Variants in KIAA0825 observed in about 807,000 individuals in gnomAD.
KIAA0825 encodes the protein uncharacterized protein KIAA0825.
A neutral mutation model predicts 147.6 loss-of-function variants in KIAA0825; 119 were observed. The ratio of observed to expected loss-of-function variants is 0.81; its 90% CI spans 0.69 to 0.94. The LOEUF (loss-of-function observed/expected upper bound fraction) is 0.94. Among genes scored for constraint, KIAA0825 ranks in the 40% least tolerant of loss-of-function variants. KIAA0825 has a pLI of 0.00. For missense variants in KIAA0825, 1,381 were observed against 1,472.7 expected (o/e 0.94, Z 1.02); for synonymous variants, 470 against 518.1 (o/e 0.91, Z 1.26).
At chr5:94,201,032 G>T (rs1288874836) in intron 20 of KIAA0825, among the ~76,000 whole-genome samples, 1 of 136,748 alleles carries the variant, frequency 7.3e-6, no homozygotes, top group East Asian at 2.2e-4. Flanking sequence ...TTTAGATCAA[G>T]TTCTTTTTAT....
At chr5:94,455,685 T>G (rs1339382580) in intron 12 of KIAA0825, among the ~76,000 whole-genome samples, 1 of 152,002 alleles carries the variant, frequency 6.6e-6, no homozygotes, top group Non-Finnish European at 1.5e-5. Flanking sequence ...CAGAGAGTAA[T>G]CAAAGGATGT....
chr5:94,508,429 C>T (rs1333589837), intron 5 of KIAA0825, among the ~76,000 whole-genome samples: 1 of 151,992 alleles, frequency 6.6e-6, no homozygotes, highest in Non-Finnish European at 1.5e-5. Context: ...ACCCAAGAAG[C>T]TATAAAATGT....
intron 1 of KIAA0825, among the ~76,000 whole-genome samples, chr5:94,585,434 A>G (rs1343638291): frequency 6.6e-6 from 1 of 152,218 alleles, no homozygotes; most frequent in African/African-American, 2.4e-5. Flanking sequence ...AGATCAAAAG[A>G]AACAAAGAAG....
At chr5:94,613,817 A>G (rs1789612567) in intron 1 of KIAA0825, among the ~76,000 whole-genome samples, 1 of 152,262 alleles carries the variant, frequency 6.6e-6, no homozygotes, top group Non-Finnish European at 1.5e-5. Flanking sequence ...GCTAGCTGTG[A>G]GTCAGGAGGA....
intron 2 of KIAA0825, among the ~76,000 whole-genome samples, chr5:94,550,821 G>A (rs112242067): frequency 2.0e-4 from 30 of 146,468 alleles, no homozygotes; most frequent in African/African-American, 6.6e-4. Flanking sequence ...CAGCCTGGGC[G>A]ACAGAGCGAG....
chr5:94,540,298 A>G (rs1773023378), intron 2 of KIAA0825, among the ~76,000 whole-genome samples: 1 of 152,214 alleles, frequency 6.6e-6, no homozygotes, highest in Admixed American at 6.5e-5. Context: ...GTACCTTAGG[A>G]TAGAACATGG....
intron 20 of KIAA0825, among the ~76,000 whole-genome samples, chr5:94,165,586 A>C (rs1236023579): frequency 6.6e-6 from 1 of 152,224 alleles, no homozygotes; most frequent in African/African-American, 2.4e-5. Context: ...GCTTACAAAG[A>C]TTTGGAAGCA....
chr5:94,616,539 C>T (rs1026753624), intron 1 of KIAA0825, among the ~76,000 whole-genome samples: 1 of 152,130 alleles, frequency 6.6e-6, no homozygotes, highest in African/African-American at 2.4e-5. Context: ...TACACACACA[C>T]ACACACATGC....
intron 14 of KIAA0825, among the ~76,000 whole-genome samples, chr5:94,435,115 A>T (rs536407235): frequency 2.1e-4 from 31 of 150,578 alleles, no homozygotes; most frequent in Admixed American, 4.6e-4. Context: ...AAAAACCACT[A>T]TTTTTTTTTC....
Position 94,398,444 on chromosome 5 carries a change from T to A in KIAA0825, c.2888-1935A>T, listed in dbSNP as rs562293494. 5.6e-5 allele frequency among the ~76,000 whole-genome samples: 7 copies of A among 124,242 alleles called. No individual in the cohort carries two copies. In the South Asian group the frequency reaches 1.6e-3, roughly 29 times the overall value. 81.5% of individuals were successfully genotyped at this position (124,242 alleles called of 152,430 possible). A position where few individuals can be genotyped will look rare whatever the true frequency, so the allele number is the denominator to read the frequency against. ...CTCTTTGCTTTTAGACTTCTGAGTA[T>A]ATCATTACTCTCAATGGAATGCCTT... On this transcript the variant is annotated intron_variant, in intron 16 of 20. Coordinates refer to ENST00000682413, the MANE Select transcript of KIAA0825 (RefSeq NM_001145678.3).
Position 94,470,045 on chromosome 5 carries a change from C to T in KIAA0825, c.1788G>A (p.Thr596=), listed in dbSNP as rs1342628769. 9 of 1,551,590 alleles carry T rather than the reference C, an allele frequency of 5.8e-6. No homozygotes were observed. Among genetic ancestry groups the T allele is most frequent in the Middle Eastern group, 1.7e-4 (1 of 5,994 alleles). The stretch of plus-strand genomic sequence containing the variant: ...TAGCACAAACTCTGACGCAGTAGTT[C>T]GTAACCTGAAACTGTAGAGTGTTGA... The part of the protein sequence containing the change: ...EFINTLQFQV[T]NYCVRVCATS... The change falls in exon 10 of 21, where the codon ACG becomes ACA. Residue 596 remains threonine, a synonymous_variant. Coordinates refer to ENST00000682413, the MANE Select transcript of KIAA0825 (RefSeq NM_001145678.3).
At chr5:94,615,857 T>G (rs1239675909) in intron 1 of KIAA0825, among the ~76,000 whole-genome samples, 1 of 152,146 alleles carries the variant, frequency 6.6e-6, no homozygotes, top group Non-Finnish European at 1.5e-5. Context: ...GGTCTTACTC[T>G]GTTGTGCAGG....
intron 20 of KIAA0825, among the ~76,000 whole-genome samples, chr5:94,325,086 A>G (rs533263178): frequency 2.0e-5 from 3 of 152,032 alleles, no homozygotes; most frequent in Non-Finnish European, 2.9e-5. Context: ...ATGATTGATT[A>G]TGTTATATGA....
intron 1 of KIAA0825, among the ~76,000 whole-genome samples, chr5:94,601,458 G>C (rs1202148877): frequency 6.6e-6 from 1 of 152,122 alleles, no homozygotes; most frequent in Non-Finnish European, 1.5e-5. Context: ...ATCAGTACAA[G>C]AATGCTGAAA....
chr5:94,364,837 C>T (rs925317195), intron 20 of KIAA0825, among the ~76,000 whole-genome samples: 7 of 152,216 alleles, frequency 4.6e-5, no homozygotes, highest in Admixed American at 2.0e-4. Context: ...TCTTTTCTAA[C>T]AAAGTGCAGC....
At chr5:94,340,527 C>G (rs1177977677) in intron 20 of KIAA0825, among the ~76,000 whole-genome samples, 1 of 152,164 alleles carries the variant, frequency 6.6e-6, no homozygotes. Context: ...ATATTTTTCA[C>G]AATTCAGTGC....
At chr5:94,524,692 T>C (rs962972319) in intron 3 of KIAA0825, among the ~76,000 whole-genome samples, 4 of 151,576 alleles carry the variant, frequency 2.6e-5, no homozygotes, top group African/African-American at 9.7e-5. Context: ...TGGAAGGAAA[T>C]GAAGCAAAGG....
chr5:94,537,189 T>C (rs1772215685), intron 2 of KIAA0825, 62 bp from the exon 3 acceptor site: 1 of 1,349,474 alleles, frequency 7.4e-7, no homozygotes, highest in Non-Finnish European at 1.0e-6. Context: ...GGGATAGGGG[T>C]GGGCAGAAAT....
intron 20 of KIAA0825, among the ~76,000 whole-genome samples, chr5:94,213,600 T>C (rs1772941664): frequency 6.6e-6 from 1 of 152,228 alleles, no homozygotes; most frequent in African/African-American, 2.4e-5. Flanking sequence ...TCTCATCTTT[T>C]ATCTACTTAG....
Sources: allele counts gnomAD v4.1 joint callset (sites outside exome capture counted in the v4.1 genomes callset), GRCh38; gene constraint gnomAD v4.1.1; transcripts MANE v1.5; gene names NCBI Gene and HGNC (gene_info 2026-07-23, HGNC 2026-07-21).